The following LSM6 variants were observed in gnomAD, a reference collection of about 807,000 sequenced individuals.
The protein encoded by LSM6 is U6 snRNA-associated Sm-like protein LSm6.
LSM6 carries 2 observed loss-of-function variants against 13.5 expected under a neutral mutation model. That is an observed-to-expected ratio of 0.15 (90% CI 0.06 to 0.47). The LOEUF is 0.47. LSM6 is among the 20% of genes least tolerant of loss of function. The pLI, the probability that LSM6 is intolerant of heterozygous loss-of-function variation, is 0.97. For synonymous variants in LSM6, 43 were observed against 34.9 expected (o/e 1.23, Z -0.82); for missense variants, 58 against 96.4 (o/e 0.60, Z 1.67).
chr4:146,186,155 C>T (rs899764869), intron 2 of LSM6, among the ~76,000 whole-genome samples: 6 of 152,180 alleles, frequency 3.9e-5, no homozygotes, highest in East Asian at 3.8e-4. Context: ...CAGCAGGAAA[C>T]GAGCTAAAGT....
chr4:146,189,020 C>T (rs147951527), intron 3 of LSM6, among the ~76,000 whole-genome samples: 35 of 145,374 alleles, frequency 2.4e-4, no homozygotes, highest in African/African-American at 8.5e-4. Context: ...GATGAAGTCT[C>T]GCTCTGTGGC....
chr4:146,177,783 G>T (rs1229967853), intron 1 of LSM6, among the ~76,000 whole-genome samples: 1 of 152,094 alleles, frequency 6.6e-6, no homozygotes, highest in African/African-American at 2.4e-5. Context: ...TACCCACTAG[G>T]ATAGCAGTAG....
intron 3 of LSM6, among the ~76,000 whole-genome samples, chr4:146,187,850 T>C (rs896868307): frequency 2.0e-5 from 3 of 152,218 alleles, no homozygotes; most frequent in African/African-American, 4.8e-5. Context: ...AATGGCAAAA[T>C]AGAAAAAGTT....
intron 1 of LSM6, among the ~76,000 whole-genome samples, chr4:146,178,141 G>A (rs892452445): frequency 3.9e-5 from 6 of 152,196 alleles, no homozygotes; most frequent in African/African-American, 1.4e-4. Flanking sequence ...GGGCTGATGG[G>A]GGCTGGACAG....
rs987229878 is a variant in LSM6 at position 146,189,839 on chromosome 4, T to G, written c.*183T>G. The G allele has an allele frequency of 3.8e-6, 2 of 529,010 alleles. No individual in the cohort carries two copies. Among genetic ancestry groups the G allele is most frequent in the Non-Finnish European group, 6.7e-6 (2 of 299,850 alleles). 32.8% of individuals were successfully genotyped at this position (529,010 alleles called of 1,614,324 possible). The stretch of plus-strand genomic sequence containing the variant: ...TAATTGTGAAATGTTCTTTCACTTG[T>G]AAGTTTCAGTCATTTTCTTTTACCT... On this transcript the variant is annotated 3_prime_UTR_variant, in exon 4 of 4. Transcript: ENST00000296581.
chr4:146,179,540 C>A (rs1392086239), intron 1 of LSM6, among the ~76,000 whole-genome samples: 2 of 152,094 alleles, frequency 1.3e-5, no homozygotes, highest in African/African-American at 2.4e-5. Flanking sequence ...TACTCTTTTC[C>A]AAATAACCTT....
chr4:146,191,254 G>T lies in LSM6; in HGVS notation c.*1598G>T, dbSNP rs1730463061. The T allele has an allele frequency of 6.6e-6, 1 of 152,200 alleles. No individual in the cohort carries two copies. The allele number at this position is 152,200 out of a possible 1,614,324, so 9.4% of individuals were successfully genotyped here. ...TGTTCTCATTTGTTTTGTAGAATAT[G>T]TGGGGCTGCAGGTTATTGTGTCCCT... On this transcript the variant is annotated 3_prime_UTR_variant, in exon 4 of 4. Transcript: ENST00000296581.
In LSM6 at chr4:146,177,347, A is replaced by G. The variant is rs4146950; in HGVS notation, c.-11+1536A>G. Among the ~76,000 whole-genome samples the G allele has an allele frequency of 5.9e-5, 9 of 152,336 alleles. No homozygotes were observed. In the East Asian group the frequency reaches 1.7e-3, roughly 29 times the overall value. The stretch of plus-strand genomic sequence containing the variant: ...ACCTGGGTTATTCTCTCCTTTTAAA[A>G]GTGTACTAACAGATTTTAATCATCG... On this transcript the variant is annotated intron_variant, in intron 1 of 3. Transcript: ENST00000296581.
intron 1 of LSM6, chr4:146,176,227 G>C (rs1730105023): frequency 6.6e-6 from 1 of 152,290 alleles, no homozygotes; most frequent in Admixed American, 6.5e-5. Flanking sequence ...CCAGGCCTAG[G>C]CTTCGCCTGT....
At position 146,191,330 on chromosome 4, in the gene LSM6, A is replaced by G. The variant is rs1412523319; in HGVS notation, c.*1674A>G. On this transcript the variant is annotated 3_prime_UTR_variant, in exon 4 of 4. Transcript: ENST00000296581. ...AAAAGCAATTCCATTGTAGTCTCCC[A>G]CTAATCTGTAGCGTCCTGTTTTTTC... 1 of 152,204 alleles carries G rather than the reference A, an allele frequency of 6.6e-6. No homozygotes were observed. Among genetic ancestry groups the G allele is most frequent in the Non-Finnish European group, 1.5e-5 (1 of 68,024 alleles). The allele number at this position is 152,204 out of a possible 1,614,324, so 9.4% of individuals were successfully genotyped here.
chr4:146,187,374 C>T lies in LSM6; in HGVS notation c.195C>T (p.Ile65=). Residue 65 remains isoleucine, a synonymous_variant, in exon 3 of 4, where the codon ATC becomes ATT. Coordinates refer to ENST00000296581, the MANE Select transcript of LSM6 (RefSeq NM_007080.3). The part of the protein sequence containing the change: ...QLKNKYGDAF[I]RGNNVLYIST... ...AGAATAAGTATGGGGATGCATTTAT[C>T]CGAGGAAACAATGGTAACATTTCTT... The T allele has an allele frequency of 1.2e-6, 2 of 1,602,904 alleles. No homozygotes were observed. The highest frequency in any genetic ancestry group is 8.5e-7 in the Non-Finnish European group (1 of 1,169,894).
intron 2 of LSM6, among the ~76,000 whole-genome samples, chr4:146,184,763 G>A (rs1432499271): frequency 6.6e-6 from 1 of 152,070 alleles, no homozygotes; most frequent in Non-Finnish European, 1.5e-5. Context: ...TATTTATAAA[G>A]GCAATACATG....
At chr4:146,182,094 G>T (rs187023739) in intron 1 of LSM6, among the ~76,000 whole-genome samples, 1 of 152,332 alleles carries the variant, frequency 6.6e-6, no homozygotes, top group East Asian at 1.9e-4. Flanking sequence ...GTGATTAAGA[G>T]TATGGGCTGG....
In LSM6 at chr4:146,184,944, T is replaced by G. The variant is rs186966666; in HGVS notation, c.94+1929T>G. 2.3e-3 allele frequency among the ~76,000 whole-genome samples: 348 copies of G among 152,326 alleles called. 1 individual carries two copies. The highest frequency in any genetic ancestry group is 8.1e-3 in the African/African-American group (338 of 41,578). On this transcript the variant is annotated intron_variant, in intron 2 of 3. Coordinates refer to ENST00000296581, the MANE Select transcript of LSM6 (RefSeq NM_007080.3). Reference sequence around the variant, plus strand: ...TCAACTACATGCAACCTGATTTTTTTTTTAAACGTTGAAACAGTACATTTA... The same window carrying G: ...TCAACTACATGCAACCTGATTTTTTGTTTAAACGTTGAAACAGTACATTTA...
At chr4:146,180,773 C>T (rs1266603794) in intron 1 of LSM6, 1 of 152,166 alleles carries the variant, frequency 6.6e-6, no homozygotes, top group East Asian at 1.9e-4. Context: ...GATTTAGCAT[C>T]TGTGATAGGA....
intron 2 of LSM6, among the ~76,000 whole-genome samples, chr4:146,183,911 C>T (rs1295943755): frequency 7.0e-6 from 1 of 142,208 alleles, no homozygotes; most frequent in East Asian, 2.1e-4. Flanking sequence ...CTCGCTCTGT[C>T]ACCCAGGCTG....
chr4:146,187,081 C>T (rs1017220630), intron 2 of LSM6, among the ~76,000 whole-genome samples, 193 bp from the exon 3 acceptor site: 4 of 152,208 alleles, frequency 2.6e-5, no homozygotes, highest in African/African-American at 9.7e-5. Flanking sequence ...GCGTGACTGC[C>T]TTCCTAGACT....
At chr4:146,189,518 G>T in intron 3 of LSM6, 104 bp from the exon 4 acceptor site, 1 of 688,718 alleles carries the variant, frequency 1.5e-6, no homozygotes, top group South Asian at 1.7e-5. Flanking sequence ...CCTTTTAAAT[G>T]TCAGATGTAT....
chr4:146,188,751 AT>A (rs756956055), intron 3 of LSM6, among the ~76,000 whole-genome samples: 1 of 152,192 alleles, frequency 6.6e-6, no homozygotes, highest in Non-Finnish European at 1.5e-5. Flanking sequence ...TAAGCAGAAC[AT>A]TAGGTAACAC....
Sources: gnomAD v4.1 joint callset for allele counts (sites outside exome capture counted in the v4.1 genomes callset) on GRCh38, gnomAD v4.1.1 for gene constraint, MANE v1.5 for transcripts, NCBI Gene and HGNC (gene_info 2026-07-23, HGNC 2026-07-21) for gene names.